The following SGCD variants were observed in gnomAD, a reference collection of about 807,000 sequenced individuals.
SGCD encodes the protein delta-sarcoglycan.
SGCD carries 18 observed loss-of-function variants against 36.6 expected under a neutral mutation model. The ratio of observed to expected loss-of-function variants is 0.49; its 90% CI spans 0.34 to 0.73. The LOEUF is 0.73. SGCD is among the 30% of genes least tolerant of loss of function. SGCD has a pLI of 0.01. For missense variants in SGCD, 387 were observed against 346.7 expected, an observed-to-expected ratio of 1.12 and a Z score of -0.92; for synonymous variants, 133 against 130.6, an observed-to-expected ratio of 1.02 and a Z score of -0.12.
At chr5:156,617,208 ACTGAAATGT>A (rs1357158716) in intron 6 of SGCD, among the ~76,000 whole-genome samples, 16 of 152,230 alleles carry the variant, frequency 1.1e-4, no homozygotes, top group Non-Finnish European at 1.9e-4. Flanking sequence ...GATTTTGAAT[ACTGAAATGT>A]CTCACAACTC....
rs906276429 is a variant in SGCD, at chr5:156,194,248, A to G, written c.-44+70229A>G. ...ACAAAAATTAGCTGGGCATGGTGGT[A>G]TACACTTGTAGCCCCAGGTAAGTGA... On this transcript the variant is annotated intron_variant, in intron 3 of 9. Transcript: ENST00000517913. Among the ~76,000 whole-genome samples the G allele has an allele frequency of 2.0e-5, 3 of 152,176 alleles. No homozygotes were observed. The South Asian group carries it at 6.2e-4, about 32-fold the overall frequency.
intron 1 of SGCD, among the ~76,000 whole-genome samples, chr5:155,945,552 C>T (rs1458172253): frequency 6.6e-6 from 1 of 152,162 alleles, no homozygotes; most frequent in African/African-American, 2.4e-5. Context: ...AAAGCATTTG[C>T]AGAGGACGGA....
At chr5:156,062,082 CT>C (rs1271638985) in intron 1 of SGCD, among the ~76,000 whole-genome samples, 1 of 77,898 alleles carries the variant, frequency 1.3e-5, no homozygotes, top group Non-Finnish European at 2.3e-5. Flanking sequence ...TCCCTCCCCC[CT>C]CCCCCGACCC....
chr5:156,351,058 A>G lies in SGCD; in HGVS notation c.192+6381A>G, dbSNP rs578144250. On this transcript the variant is annotated intron_variant, in intron 3 of 8. Transcript: ENST00000337851. ...TTGTTATCTTTGCCAACCCTGTGTCATAGGTCACTTTCATCTGAGGTATCC... is the reference window on the plus strand; with the variant it reads ...TTGTTATCTTTGCCAACCCTGTGTCGTAGGTCACTTTCATCTGAGGTATCC... Among the ~76,000 whole-genome samples, 84 of 152,306 alleles carry G rather than the reference A, an allele frequency of 5.5e-4. 1 individual carries two copies. In the South Asian group the frequency reaches 9.5e-3, roughly 17 times the overall value.
At position 156,080,069 on chromosome 5, in the gene SGCD, T is replaced by C. The variant is rs371065606; in HGVS notation, c.-281-37809T>C. Among the ~76,000 whole-genome samples, 47 of 152,352 alleles carry C rather than the reference T, an allele frequency of 3.1e-4. No individual in the cohort carries two copies. The South Asian group carries it at 9.1e-3, about 30-fold the overall frequency. On this transcript the variant is annotated intron_variant, in intron 1 of 9. Transcript: ENST00000517913. ...AGGCTGCCATGTCTCCTTCATGCTT[T>C]CACTCTGTATGCCTACAGGCTTAAT...
chr5:156,424,588 G>A (rs1479728451), intron 3 of SGCD, among the ~76,000 whole-genome samples: 2 of 152,052 alleles, frequency 1.3e-5, no homozygotes, highest in Non-Finnish European at 2.9e-5. Context: ...CAAGATGATG[G>A]CAGAGATAAA....
intron 4 of SGCD, among the ~76,000 whole-genome samples, chr5:156,508,922 C>A (rs1756821107): frequency 6.6e-6 from 1 of 152,176 alleles, no homozygotes; most frequent in Non-Finnish European, 1.5e-5. Flanking sequence ...TCCTGCTCAA[C>A]CCCTGCTACC....
chr5:156,671,466 G>T (rs746843062), intron 7 of SGCD, among the ~76,000 whole-genome samples: 34 of 151,968 alleles, frequency 2.2e-4, no homozygotes, highest in Non-Finnish European at 4.1e-4. Context: ...GAGAGAAGGG[G>T]TTTCACCATG....
At chr5:156,001,125 C>T (rs76878483) in intron 1 of SGCD, among the ~76,000 whole-genome samples, 1 of 152,196 alleles carries the variant, frequency 6.6e-6, no homozygotes, top group Admixed American at 6.5e-5. Context: ...GTCTTTACAC[C>T]ATTCCCATCT....
intron 6 of SGCD, 69 bp from the exon 7 acceptor site, chr5:156,647,395 T>C: frequency 1.0e-6 from 1 of 985,478 alleles, no homozygotes; most frequent in South Asian, 1.4e-5. Context: ...CTCCAATCAG[T>C]GTGCTGATTG....
intron 3 of SGCD, among the ~76,000 whole-genome samples, chr5:156,400,857 C>T (rs1772109855): frequency 1.3e-5 from 2 of 152,184 alleles, no homozygotes; most frequent in Admixed American, 1.3e-4. Context: ...GCTGATATTG[C>T]TCCAAAAGGC....
At chr5:156,427,976 AG>A (rs1773749385) in intron 3 of SGCD, among the ~76,000 whole-genome samples, 1 of 152,130 alleles carries the variant, frequency 6.6e-6, no homozygotes, top group Admixed American at 6.6e-5. Flanking sequence ...TGTGTTCATC[AG>A]GGATATCAGC....
At chr5:155,771,148 C>T in the SGCD span, among the ~76,000 whole-genome samples, 2 of 152,148 alleles carry the variant, frequency 1.3e-5, no homozygotes, top group African/African-American at 4.8e-5. Context: ...GTCTAAGTCC[C>T]TTGCGTGCAG....
At chr5:156,742,841 TTCTA>T (rs1199631313) in intron 7 of SGCD, among the ~76,000 whole-genome samples, 1 of 152,194 alleles carries the variant, frequency 6.6e-6, no homozygotes, top group Non-Finnish European at 1.5e-5. Context: ...CAGTTTTTTG[TTCTA>T]TACAGGTTAT....
chr5:156,469,006 A>G (rs1754840965), intron 3 of SGCD, among the ~76,000 whole-genome samples: 3 of 152,110 alleles, frequency 2.0e-5, no homozygotes, highest in Admixed American at 2.0e-4. Context: ...AATAATAATA[A>G]TAAGGTGGAT....
chr5:156,158,094 T>G (rs903633258), intron 3 of SGCD, among the ~76,000 whole-genome samples: 1 of 151,390 alleles, frequency 6.6e-6, no homozygotes, highest in African/African-American at 2.5e-5. Context: ...GTTTAGCCCT[T>G]AGGTTCCCAC....
intron 1 of SGCD, among the ~76,000 whole-genome samples, chr5:155,924,949 A>T (rs1337482917): frequency 6.6e-6 from 1 of 152,222 alleles, no homozygotes; most frequent in Non-Finnish European, 1.5e-5. Flanking sequence ...ATAAACTGGA[A>T]TTGGCAAGGA....
the SGCD span, among the ~76,000 whole-genome samples, chr5:155,814,209 C>T: frequency 1.3e-5 from 2 of 152,192 alleles, no homozygotes; most frequent in African/African-American, 4.8e-5. Context: ...GCTCTTGTTT[C>T]TAACATTACC....
At chr5:155,937,779 G>T (rs559469954) in intron 1 of SGCD, among the ~76,000 whole-genome samples, 1 of 152,222 alleles carries the variant, frequency 6.6e-6, no homozygotes, top group Non-Finnish European at 1.5e-5. Flanking sequence ...CGTGGACACT[G>T]TGCAATGTGT....
Sources: allele counts gnomAD v4.1 joint callset (sites outside exome capture counted in the v4.1 genomes callset), GRCh38; gene constraint gnomAD v4.1.1; transcripts MANE v1.5; gene names NCBI Gene and HGNC (gene_info 2026-07-23, HGNC 2026-07-21).